Variants in TCF7L2 observed in about 807,000 individuals in gnomAD.
TCF7L2 encodes transcription factor 7 like 2.
TCF7L2 carries 23 observed loss-of-function variants against 77.9 expected under a neutral mutation model. The ratio of observed to expected loss-of-function variants is 0.30; its 90% CI spans 0.21 to 0.42. TCF7L2 has a LOEUF of 0.42. Among genes scored for constraint, TCF7L2 ranks in the 10% least tolerant of loss-of-function variants. The probability of loss-of-function intolerance (pLI) is 1.00; values close to 1 mark genes in which losing one functional copy is unlikely to be tolerated. For synonymous variants in TCF7L2, 413 were observed against 340.2 expected (o/e 1.21, Z -2.36); for missense variants, 654 against 793.1 (o/e 0.82, Z 2.11).
intron 4 of TCF7L2, among the ~76,000 whole-genome samples, chr10:112,965,627 ATATGTGTGTGTGTG>A (rs1326200778): frequency 1.5e-5 from 1 of 68,194 alleles, no homozygotes; most frequent in Non-Finnish European, 3.0e-5. Context: ...GTGTGTGTGT[ATATGTGTGTGTGTG>A]TGTGTGTGTG....
chr10:113,149,895 A>G (rs2070371700), intron 8 of TCF7L2, among the ~76,000 whole-genome samples: 1 of 152,144 alleles, frequency 6.6e-6, no homozygotes, highest in Admixed American at 6.5e-5. Flanking sequence ...TCTGTCCCTC[A>G]CTATTTTTTC....
Position 113,151,182 on chromosome 10 carries a change from C to CAGCT in TCF7L2, c.1001+60_1001+63dup. ...GCCGCAGTGTTCTGCAAGCCTGTTG[C>CAGCT]AGCTGCTGGGTGGTGGCTTTCTGCC... On this transcript the variant is annotated intron_variant, in intron 9 of 13. Transcript: ENST00000627217. The surrounding 1 kb of genome is among the most constrained non-coding windows in gnomAD (Gnocchi z 5.2). 6.2e-7 allele frequency: 1 copy of CAGCT among 1,609,208 alleles called. No homozygotes were observed. Among genetic ancestry groups the CAGCT allele is most frequent in the African/African-American group, 1.3e-5 (1 of 74,972 alleles).
chr10:113,026,320 T>G (rs555406760), intron 4 of TCF7L2, among the ~76,000 whole-genome samples: 2 of 149,280 alleles, frequency 1.3e-5, no homozygotes, highest in East Asian at 3.9e-4. Context: ...CCTGGCTAAT[T>G]TTTTTTTTTT....
intron 8 of TCF7L2, among the ~76,000 whole-genome samples, chr10:113,148,028 A>AGCCC (rs2069876506): frequency 6.6e-6 from 1 of 152,224 alleles, no homozygotes; most frequent in Admixed American, 6.5e-5. Context: ...GTATAGGTCT[A>AGCCC]TTATACTTAT....
chr10:112,957,070 G>C (rs143903427), intron 3 of TCF7L2, among the ~76,000 whole-genome samples: 1 of 152,046 alleles, frequency 6.6e-6, no homozygotes, highest in African/African-American at 2.4e-5. Flanking sequence ...AATTCAGTGG[G>C]GGCTCTGCAC....
chr10:113,109,426 CTG>C (rs748436430), intron 5 of TCF7L2, among the ~76,000 whole-genome samples: 4 of 152,132 alleles, frequency 2.6e-5, no homozygotes, highest in Non-Finnish European at 5.9e-5. Context: ...GGCTCTGGCT[CTG>C]TCGCCCAGGC....
intron 4 of TCF7L2, among the ~76,000 whole-genome samples, chr10:112,981,331 A>G (rs1467067350): frequency 6.6e-6 from 1 of 151,680 alleles, no homozygotes; most frequent in Non-Finnish European, 1.5e-5. Flanking sequence ...ATAAAGAAAG[A>G]AAAAAAGGGG....
chr10:113,117,735 T>C (rs1440125990), intron 5 of TCF7L2, among the ~76,000 whole-genome samples: 2 of 151,092 alleles, frequency 1.3e-5, no homozygotes, highest in African/African-American at 4.8e-5. Flanking sequence ...TTTTGTCTTT[T>C]GTGACATTGA....
chr10:113,010,269 T>C (rs1274641541), intron 4 of TCF7L2, among the ~76,000 whole-genome samples: 2 of 152,184 alleles, frequency 1.3e-5, no homozygotes. Flanking sequence ...CCCTCATTCA[T>C]TGATATCTTC....
intron 5 of TCF7L2, among the ~76,000 whole-genome samples, chr10:113,101,130 T>G (rs117417871): frequency 6.6e-6 from 1 of 152,266 alleles, no homozygotes; most frequent in East Asian, 1.9e-4. Flanking sequence ...TCTCAGTGTT[T>G]AATAGGACGT....
intron 5 of TCF7L2, among the ~76,000 whole-genome samples, chr10:113,102,269 G>A (rs1182653833): frequency 6.6e-6 from 1 of 151,996 alleles, no homozygotes; most frequent in African/African-American, 2.4e-5. Context: ...ATGACCATGT[G>A]CAACTCACTG....
chr10:113,141,684 G>A (rs940680241), intron 6 of TCF7L2, among the ~76,000 whole-genome samples: 1 of 152,168 alleles, frequency 6.6e-6, no homozygotes, highest in Non-Finnish European at 1.5e-5. Context: ...CATATTGAAG[G>A]CATTTCTTGG....
At chr10:113,165,400 G>T (rs1416746817) in intron 13 of TCF7L2, among the ~76,000 whole-genome samples, 155 bp from the exon 15 acceptor site, 2 of 151,658 alleles carry the variant, frequency 1.3e-5, no homozygotes, top group East Asian at 1.9e-4. Flanking sequence ...GACCCACCCT[G>T]GGGGGGCGCC....
At chr10:113,051,867 A>C (rs2054531930) in intron 5 of TCF7L2, among the ~76,000 whole-genome samples, 1 of 152,202 alleles carries the variant, frequency 6.6e-6, no homozygotes, top group Non-Finnish European at 1.5e-5. Context: ...GGGACAACTG[A>C]AGAATCCTTA....
intron 5 of TCF7L2, among the ~76,000 whole-genome samples, chr10:113,139,012 G>A (rs777363676): frequency 2.0e-5 from 3 of 147,086 alleles, no homozygotes; most frequent in Non-Finnish European, 3.1e-5. Context: ...GCTGATGGTG[G>A]TCCTGCTCCC....
At chr10:112,975,849 A>G (rs1458275889) in intron 4 of TCF7L2, among the ~76,000 whole-genome samples, 13 of 152,174 alleles carry the variant, frequency 8.5e-5, no homozygotes, top group Non-Finnish European at 1.6e-4. Context: ...CCCAACAAAA[A>G]TGTGACAACT....
rs144491325 is a variant in TCF7L2, at chr10:113,095,330, C to G, written c.553-45854C>G. Among the ~76,000 whole-genome samples the G allele has an allele frequency of 6.6e-4, 100 of 152,296 alleles. 2 individuals are homozygous for G. Among genetic ancestry groups the G allele is most frequent in the African/African-American group, 2.1e-3 (88 of 41,552 alleles). ...CGGCAAATTCAACTCCTCCTCACCC[C>G]CTCTCTACCCCAGTTCATGCTCACT... On this transcript the variant is annotated intron_variant, in intron 5 of 13. Coordinates refer to ENST00000627217, the MANE Select transcript of TCF7L2 (RefSeq NM_001146274.2).
chr10:112,995,705 G>A (rs2043343737), intron 4 of TCF7L2, among the ~76,000 whole-genome samples: 1 of 152,086 alleles, frequency 6.6e-6, no homozygotes, highest in South Asian at 2.1e-4. Flanking sequence ...CATTCCCTCG[G>A]AGAGGCCCTC....
Position 113,151,962 on chromosome 10 carries a change from G to C in TCF7L2, c.1161+78G>C. The stretch of plus-strand genomic sequence containing the variant: ...AGTGCAGCAGGTCAGGTGGCAGAAT[G>C]TCTCTGTCCCCATTTCTTTGGAGAA... On this transcript the variant is annotated intron_variant, in intron 10 of 13. Transcript: ENST00000627217. This position sits in a 1 kb window ranked among gnomAD's most constrained non-coding sequence, Gnocchi z 5.2. 1.3e-6 allele frequency: 2 copies of C among 1,516,884 alleles called. No homozygotes were observed. The highest frequency in any genetic ancestry group is 2.3e-5 in the Admixed American group (1 of 44,406). 94.0% of individuals were successfully genotyped at this position (1,516,884 alleles called of 1,614,324 possible). A position where few individuals can be genotyped will look rare whatever the true frequency, so the allele number is the denominator to read the frequency against.
Sources: gnomAD v4.1 joint callset for allele counts (sites outside exome capture counted in the v4.1 genomes callset) on GRCh38, gnomAD v4.1.1 for gene constraint, Gnocchi (gnomAD v3.1) non-coding constraint, MANE v1.5 for transcripts, NCBI Gene and HGNC (gene_info 2026-07-23, HGNC 2026-07-21) for gene names.